The following ZC3H12B variants were observed in gnomAD, a reference collection of about 807,000 sequenced individuals.
ZC3H12B encodes the protein probable ribonuclease ZC3H12B.
A neutral mutation model predicts 43.9 loss-of-function variants in ZC3H12B; 7 were observed. The observed-to-expected ratio is 0.16, with a 90% CI of 0.09 to 0.30. The LOEUF is 0.30. ZC3H12B is among the 10% of genes least tolerant of loss of function. The pLI is 1.00. For missense variants in ZC3H12B, 475 were observed against 670.2 expected (o/e 0.71, Z 3.22); for synonymous variants, 222 against 241.7 (o/e 0.92, Z 0.76).
intron 3 of ZC3H12B, among the ~76,000 whole-genome samples, chrX:65,429,300 T>A (rs954719415): frequency 5.3e-5 from 6 of 112,374 alleles, no homozygotes; most frequent in Non-Finnish European, 1.1e-4. Flanking sequence ...GTGTTGGTGA[T>A]CTCTTCAGCC....
At chrX:65,325,374 A>G in the ZC3H12B span, among the ~76,000 whole-genome samples, 1 of 111,766 alleles carries the variant, frequency 8.9e-6, no homozygotes, top group African/African-American at 3.2e-5. Context: ...CTAAAAAGCT[A>G]AAACTGGTAA....
chrX:65,063,150 A>G, the ZC3H12B span, among the ~76,000 whole-genome samples: 46 of 111,482 alleles, frequency 4.1e-4, no homozygotes, highest in African/African-American at 1.4e-3. Flanking sequence ...AATACCTTTT[A>G]TTTCTTTCTC....
chrX:65,137,233 AG>A, the ZC3H12B span, among the ~76,000 whole-genome samples: 3 of 112,409 alleles, frequency 2.7e-5, no homozygotes, highest in African/African-American at 9.7e-5. Context: ...TATCTGTTTA[AG>A]AAAGACACAA....
the ZC3H12B span, among the ~76,000 whole-genome samples, chrX:65,305,540 C>T: frequency 8.9e-6 from 1 of 111,919 alleles, no homozygotes; most frequent in African/African-American, 3.2e-5. Context: ...CATTTCTCCC[C>T]TTCTCTGCCT....
chrX:65,333,183 C>T, the ZC3H12B span, among the ~76,000 whole-genome samples: 1 of 106,939 alleles, frequency 9.4e-6, no homozygotes, highest in African/African-American at 3.4e-5. Flanking sequence ...ACTGTGTAGA[C>T]AAGGTAGGGG....
the ZC3H12B span, among the ~76,000 whole-genome samples, chrX:65,052,761 T>A: frequency 8.9e-6 from 1 of 111,973 alleles, no homozygotes; most frequent in East Asian, 2.8e-4. Context: ...GATATCTCTT[T>A]GACATACCGA....
chrX:65,381,515 T>G (rs1415767436), intron 2 of ZC3H12B, among the ~76,000 whole-genome samples: 2 of 110,338 alleles, frequency 1.8e-5, no homozygotes, highest in Non-Finnish European at 3.8e-5. Flanking sequence ...AGATCCAAAA[T>G]TGACACCCTA....
the ZC3H12B span, among the ~76,000 whole-genome samples, chrX:65,322,255 C>T: frequency 9.0e-6 from 1 of 111,565 alleles, no homozygotes; most frequent in Non-Finnish European, 1.9e-5. Flanking sequence ...ACTCACCCAC[C>T]ATCCCCCACC....
the ZC3H12B span, among the ~76,000 whole-genome samples, chrX:65,194,906 A>G: frequency 1.3e-4 from 15 of 112,103 alleles, no homozygotes; most frequent in African/African-American, 4.5e-4. Flanking sequence ...CGAATCCTTC[A>G]TCATTATATA....
chrX:65,261,722 A>G, the ZC3H12B span, among the ~76,000 whole-genome samples: 1 of 111,550 alleles, frequency 9.0e-6, no homozygotes, highest in African/African-American at 3.2e-5. Context: ...AGGTATTTTA[A>G]GGAAAGTTTA....
the ZC3H12B span, among the ~76,000 whole-genome samples, chrX:65,041,925 T>G: frequency 8.9e-6 from 1 of 112,106 alleles, no homozygotes; most frequent in Non-Finnish European, 1.9e-5. Flanking sequence ...TCTGGCTAAC[T>G]TATTAAAGTT....
the ZC3H12B span, chrX:65,273,149 G>A: frequency 8.9e-6 from 1 of 112,232 alleles, no homozygotes; most frequent in African/African-American, 3.2e-5. Context: ...TTCCAGGATT[G>A]GTCTTCCAGT....
chrX:65,034,906 G>C, the ZC3H12B span, among the ~76,000 whole-genome samples: 1 of 112,689 alleles, frequency 8.9e-6, no homozygotes, highest in Non-Finnish European at 1.9e-5. Flanking sequence ...TCTGTGGCCA[G>C]GGGGGCCCAG....
At chrX:65,242,330 T>C in the ZC3H12B span, among the ~76,000 whole-genome samples, 71 of 112,039 alleles carry the variant, frequency 6.3e-4, 1 homozygote, top group East Asian at 0.019. Flanking sequence ...CCCAAGTCAG[T>C]AGCATTTCAT....
chrX:65,340,124 C>T, the ZC3H12B span, among the ~76,000 whole-genome samples: 1 of 111,872 alleles, frequency 8.9e-6, no homozygotes, highest in Non-Finnish European at 1.9e-5. Context: ...AGTGAACCTT[C>T]CCTCACGTGA....
the ZC3H12B span, among the ~76,000 whole-genome samples, chrX:65,179,176 A>T: frequency 9.2e-6 from 1 of 108,963 alleles, no homozygotes; most frequent in African/African-American, 3.3e-5. Flanking sequence ...CAAACACCAC[A>T]CGTTCTCACT....
intron 3 of ZC3H12B, among the ~76,000 whole-genome samples, chrX:65,453,038 G>C (rs754232029): frequency 1.5e-3 from 168 of 109,929 alleles, no homozygotes; most frequent in African/African-American, 5.2e-3. Flanking sequence ...AGCCCACATA[G>C]CCAATGCAAG....
the ZC3H12B span, among the ~76,000 whole-genome samples, chrX:65,353,363 ATAT>A: frequency 9.0e-6 from 1 of 110,890 alleles, no homozygotes. Flanking sequence ...AACAGTGTTG[ATAT>A]TAGCTCAATT....
intron 3 of ZC3H12B, chrX:65,407,960 T>A: frequency 9.3e-6 from 8 of 858,274 alleles, no homozygotes; most frequent in Non-Finnish European, 1.3e-5. Context: ...CCTGCGTGCG[T>A]GGCCACCTCG....
Sources: gnomAD v4.1 joint callset for allele counts (sites outside exome capture counted in the v4.1 genomes callset) on GRCh38, gnomAD v4.1.1 for gene constraint, MANE v1.5 for transcripts, NCBI Gene and HGNC (gene_info 2026-07-23, HGNC 2026-07-21) for gene names.